Variants in ADAM12 observed in about 807,000 individuals in gnomAD.
ADAM12 encodes the protein ADAM metallopeptidase domain 12, also known as disintegrin and metalloproteinase domain-containing protein 12.
A neutral mutation model predicts 106.4 loss-of-function variants in ADAM12; 70 were observed. The ratio of observed to expected loss-of-function variants is 0.66; its 90% confidence interval spans 0.54 to 0.80. The LOEUF (loss-of-function observed/expected upper bound fraction) is 0.80. Ranked by LOEUF, ADAM12 falls within the 30% of genes least tolerant of loss-of-function variation. ADAM12 has a pLI of 0.00. For synonymous variants in ADAM12, 420 were observed against 433.5 expected (o/e 0.97, Z 0.39); for missense variants, 1,010 against 1,171.9 (o/e 0.86, Z 2.02).
intron 3 of ADAM12, among the ~76,000 whole-genome samples, chr10:126,228,074 G>A (rs944836499): frequency 2.6e-5 from 4 of 152,194 alleles, no homozygotes; most frequent in Admixed American, 6.5e-5. Flanking sequence ...GACGGCCCCA[G>A]ACACTGCCAG....
chr10:126,359,944 A>G (rs1855684116), intron 1 of ADAM12, among the ~76,000 whole-genome samples: 1 of 152,172 alleles, frequency 6.6e-6, no homozygotes, highest in South Asian at 2.1e-4. Flanking sequence ...ATCCTCTGAA[A>G]TCTAGCTGGA....
chr10:126,034,618 A>T (rs1243789045), intron 21 of ADAM12, among the ~76,000 whole-genome samples: 4 of 152,186 alleles, frequency 2.6e-5, no homozygotes, highest in Non-Finnish European at 5.9e-5. Flanking sequence ...ATTAAAATAT[A>T]GTGACTGGCT....
chr10:126,117,760 G>C (rs1565070629), intron 6 of ADAM12, among the ~76,000 whole-genome samples: 1 of 130,950 alleles, frequency 7.6e-6, no homozygotes, highest in Non-Finnish European at 1.6e-5. Flanking sequence ...GTAGAAGTTG[G>C]GGGGGCGTAA....
chr10:126,235,072 G>T (rs1174663003), intron 3 of ADAM12, among the ~76,000 whole-genome samples: 3 of 152,186 alleles, frequency 2.0e-5, no homozygotes, highest in Admixed American at 2.0e-4. Context: ...CAGAGGGGTG[G>T]AAAGGGTCGT....
chr10:126,376,626 A>G lies in ADAM12; in HGVS notation c.88+11432T>C, dbSNP rs1384378754. Among the ~76,000 whole-genome samples, 5 of 152,240 alleles carry G rather than the reference A, an allele frequency of 3.3e-5. No homozygotes were observed. The East Asian group carries it at 9.6e-4, about 29-fold the overall frequency. The stretch of plus-strand genomic sequence containing the variant: ...ATTGAAAACTTATTGAATAGCATTA[A>G]AGGGAACAAATAAATAGAGAAATCA... On this transcript the variant is annotated intron_variant, in intron 1 of 22. Coordinates refer to ENST00000448723, the MANE Select transcript of ADAM12 (RefSeq NM_001288973.2).
chr10:126,357,172 T>C (rs10901601), intron 1 of ADAM12, among the ~76,000 whole-genome samples: 54,447 of 151,994 alleles, frequency 0.36, 9,970 homozygotes, highest in South Asian at 0.42. Context: ...TTAATCAAAC[T>C]GTCAAAACTT....
At chr10:126,258,858 C>T (rs147220451) in intron 3 of ADAM12, among the ~76,000 whole-genome samples, 68 of 152,276 alleles carry the variant, frequency 4.5e-4, no homozygotes, top group East Asian at 4.3e-3. Context: ...TTCCAGTGCA[C>T]GTAACAGCAT....
At chr10:126,135,725 C>T in intron 4 of ADAM12, 65 bp from the exon 5 acceptor site, 2 of 1,347,772 alleles carry the variant, frequency 1.5e-6, no homozygotes, top group Non-Finnish European at 2.1e-6. Flanking sequence ...TATAATAAAT[C>T]AACTGCCTCT....
At chr10:126,143,641 ATG>A (rs1170981501) in intron 4 of ADAM12, among the ~76,000 whole-genome samples, 1 of 149,974 alleles carries the variant, frequency 6.7e-6, no homozygotes, top group Non-Finnish European at 1.5e-5. Flanking sequence ...GTATACACGT[ATG>A]TGTGTATATG....
rs373828182 is a variant in ADAM12, at chr10:126,105,109, C to T, written c.741+3484G>A. ...GTGTGCTCAGCAAATCGGCTCTCTC[C>T]CTGCCAGAAACACAAGGACAGCCAG... On this transcript the variant is annotated intron_variant, in intron 8 of 22. Transcript: ENST00000448723. Among the ~76,000 whole-genome samples, 3 of 152,226 alleles carry T rather than the reference C, an allele frequency of 2.0e-5. 1 individual carries two copies. The highest frequency in any genetic ancestry group is 7.2e-5 in the African/African-American group (3 of 41,546).
At chr10:126,129,399 G>A (rs1956264746) in intron 5 of ADAM12, among the ~76,000 whole-genome samples, 1 of 152,234 alleles carries the variant, frequency 6.6e-6, no homozygotes, top group Non-Finnish European at 1.5e-5. Context: ...CCCAGCAGGA[G>A]CATGACAGGG....
chr10:126,096,119 A>G (rs551438821), intron 10 of ADAM12, among the ~76,000 whole-genome samples: 1 of 152,354 alleles, frequency 6.6e-6, no homozygotes, highest in South Asian at 2.1e-4. Context: ...GAAGTTTACA[A>G]ATATGTTTCA....
At chr10:126,233,493 G>C (rs572087500) in intron 3 of ADAM12, among the ~76,000 whole-genome samples, 4 of 152,084 alleles carry the variant, frequency 2.6e-5, no homozygotes, top group African/African-American at 7.2e-5. Context: ...GAGAGGCACC[G>C]CAGGGCCCAC....
Position 126,019,754 on chromosome 10 carries a change from A to C in ADAM12, c.2601T>G (p.Thr867=), listed in dbSNP as rs765897289. ...GTCCTGGGGTCCTGGCCAAGGCATG[A>C]GTGAGCCGAGTTGTTCTGGCCAGAG... The part of the protein sequence containing the change: ...ADPLARTTRL[T]HALARTPGQW... Residue 867 remains threonine (T), a synonymous_variant, in exon 22 of 23, where the codon ACT becomes ACG. Coordinates refer to ENST00000448723, the MANE Select transcript of ADAM12 (RefSeq NM_001288973.2). The C allele has an allele frequency of 5.0e-6, 8 of 1,613,998 alleles. No homozygotes were observed. Among genetic ancestry groups the C allele is most frequent in the African/African-American group, 2.7e-5 (2 of 74,928 alleles).
At chr10:126,281,352 C>T (rs1386152935) in intron 2 of ADAM12, among the ~76,000 whole-genome samples, 1 of 152,074 alleles carries the variant, frequency 6.6e-6, no homozygotes, top group Non-Finnish European at 1.5e-5. Flanking sequence ...AGATCACATA[C>T]CTTAAATGGA....
At chr10:126,027,639 C>T (rs1176445493) in intron 21 of ADAM12, among the ~76,000 whole-genome samples, 4 of 152,140 alleles carry the variant, frequency 2.6e-5, no homozygotes, top group African/African-American at 9.7e-5. Context: ...TCAATAGATG[C>T]AGAAAAAGTC....
chr10:126,382,536 GGATTCT>G (rs1856532274), intron 1 of ADAM12, among the ~76,000 whole-genome samples: 1 of 152,248 alleles, frequency 6.6e-6, no homozygotes, highest in Non-Finnish European at 1.5e-5. Flanking sequence ...GGAAGCTGAA[GGATTCT>G]TCCTTGGAGA....
intron 21 of ADAM12, among the ~76,000 whole-genome samples, chr10:126,030,517 G>A (rs1184344243): frequency 6.6e-6 from 1 of 152,142 alleles, no homozygotes; most frequent in East Asian, 1.9e-4. Flanking sequence ...TTACCTATTA[G>A]CAAATGTAAA....
At chr10:126,174,827 A>C (rs1353053551) in intron 3 of ADAM12, among the ~76,000 whole-genome samples, 2 of 149,390 alleles carry the variant, frequency 1.3e-5, no homozygotes, top group African/African-American at 5.0e-5. Flanking sequence ...ATCTCGGCTC[A>C]CTGCAAGCTC....
Sources: gnomAD v4.1 joint callset for allele counts (sites outside exome capture counted in the v4.1 genomes callset) on GRCh38, gnomAD v4.1.1 for gene constraint, MANE v1.5 for transcripts, NCBI Gene and HGNC (gene_info 2026-07-23, HGNC 2026-07-21) for gene names.